The following LYZL2 variants were observed in gnomAD, a reference collection of about 807,000 sequenced individuals.
LYZL2 encodes the protein lysozyme-like protein 2.
Under a neutral mutation model 17.1 loss-of-function variants are expected in LYZL2, and 13 were observed. The ratio of observed to expected loss-of-function variants is 0.76; its 90% CI spans 0.49 to 1.21. LYZL2 has a LOEUF of 1.21. Ranked by LOEUF, LYZL2 falls within the 50% of genes most tolerant of loss-of-function variation. LYZL2 has a pLI of 0.00. For synonymous variants in LYZL2, 63 were observed against 74.4 expected, an observed-to-expected ratio of 0.85 and a Z score of 0.79; for missense variants, 166 against 189.2, an observed-to-expected ratio of 0.88 and a Z score of 0.72.
At chr10:30,611,078 G>A (rs574268347), downstream of LYZL2, among the ~76,000 whole-genome samples, 1 of 152,216 alleles carries the variant, frequency 6.6e-6, no homozygotes, top group East Asian at 1.9e-4. Flanking sequence ...CTGAAGATGA[G>A]GGAGTCTTAT....
chr10:30,626,868 G>C lies in LYZL2; in HGVS notation c.48C>G (p.Gly16=), dbSNP rs767510421. ...AACGAGTGTAGATTTTGGACTCGGC[G>C]CCTGTGACCAGGCAGCCAATGAGGG... is the stretch of plus-strand genomic sequence containing the variant. ...ILTLIGCLVT[G]AESKIYTRCK... The change falls in exon 2 of 5, where the codon GGC becomes GGG. Residue 16 remains glycine, a synonymous_variant. Transcript: ENST00000647634. 5.0e-6 allele frequency: 8 copies of C among 1,613,074 alleles called. No individual in the cohort carries two copies. In the South Asian group the frequency reaches 7.7e-5, roughly 16 times the overall value.
chr10:30,616,564 T>C (rs991860949), intron 3 of LYZL2, among the ~76,000 whole-genome samples: 2 of 152,234 alleles, frequency 1.3e-5, no homozygotes, highest in African/African-American at 4.8e-5. Flanking sequence ...CCTATCTTCT[T>C]GAGATATAAA....
In LYZL2 at chr10:30,627,910, G is replaced by A. The variant is rs192594197; in HGVS notation, c.-25-970C>T. Among the ~76,000 whole-genome samples, 99 of 152,230 alleles carry A rather than the reference G, an allele frequency of 6.5e-4. 3 individuals carry two copies. The highest frequency in any genetic ancestry group is 6.0e-3 in the East Asian group (31 of 5,182). On this transcript the variant is annotated intron_variant, in intron 1 of 4. Transcript: ENST00000647634. ...CGCGGTGGCTCACGCCTGTAATCCCGGCACTTTGGGAGGCCGAGACGGGCG... is the reference window on the plus strand; with the variant it reads ...CGCGGTGGCTCACGCCTGTAATCCCAGCACTTTGGGAGGCCGAGACGGGCG...
At chr10:30,616,399 T>A (rs1838527861) in intron 3 of LYZL2, among the ~76,000 whole-genome samples, 1 of 152,246 alleles carries the variant, frequency 6.6e-6, no homozygotes, top group Non-Finnish European at 1.5e-5. Context: ...AAAATTCTCT[T>A]GCCAGCCTGG....
chr10:30,618,665 A>T (rs530266902), intron 3 of LYZL2, among the ~76,000 whole-genome samples: 1 of 152,360 alleles, frequency 6.6e-6, no homozygotes, highest in East Asian at 1.9e-4. Flanking sequence ...CACCTTATAC[A>T]AAAATTAATT....
intron 1 of LYZL2, among the ~76,000 whole-genome samples, chr10:30,629,229 A>G (rs1182385406): frequency 2.6e-5 from 4 of 152,092 alleles, no homozygotes; most frequent in Admixed American, 2.0e-4. Flanking sequence ...CTCTGTCACT[A>G]CAAAATACAC....
At chr10:30,619,037 A>G (rs1337367121) in intron 3 of LYZL2, among the ~76,000 whole-genome samples, 1 of 152,262 alleles carries the variant, frequency 6.6e-6, no homozygotes. Context: ...GACACTTCTC[A>G]AAAGAAGATA....
chr10:30,609,998 T>C (rs1034148435), downstream of LYZL2, among the ~76,000 whole-genome samples: 1 of 152,218 alleles, frequency 6.6e-6, no homozygotes, highest in African/African-American at 2.4e-5. Flanking sequence ...GAAGCACTTA[T>C]TTTTGGAGTC....
downstream of LYZL2, among the ~76,000 whole-genome samples, chr10:30,610,590 T>C (rs911680030): frequency 6.6e-6 from 1 of 152,156 alleles, no homozygotes; most frequent in Non-Finnish European, 1.5e-5. Flanking sequence ...AAATACCTAA[T>C]GCACACAGGG....
chr10:30,615,999 A>G (rs1235730124), intron 3 of LYZL2, among the ~76,000 whole-genome samples: 1 of 152,252 alleles, frequency 6.6e-6, no homozygotes, highest in Non-Finnish European at 1.5e-5. Context: ...ATTTTTTACA[A>G]TTGAAATGTA....
intron 3 of LYZL2, among the ~76,000 whole-genome samples, chr10:30,618,040 CAGAG>C (rs935171466): frequency 5.9e-5 from 9 of 151,676 alleles, no homozygotes; most frequent in African/African-American, 2.2e-4. Flanking sequence ...AACAGACAAA[CAGAG>C]AGCCAAATCA....
At position 30,628,382 on chromosome 10, in the gene LYZL2, G is replaced by A. The variant is rs560038607; in HGVS notation, c.-26+1211C>T. Among the ~76,000 whole-genome samples, 346 of 152,314 alleles carry A rather than the reference G, an allele frequency of 2.3e-3. 2 individuals are homozygous for A. In the East Asian group the frequency reaches 0.029, roughly 13 times the overall value. ...CACCTGACTGGGGAGCAAGAGGGATGGAGGACAAAGCCTCATGAAAGGAGG... is the reference window on the plus strand; with the variant it reads ...CACCTGACTGGGGAGCAAGAGGGATAGAGGACAAAGCCTCATGAAAGGAGG... On this transcript the variant is annotated intron_variant, in intron 1 of 4. Transcript: ENST00000647634.
downstream of LYZL2, among the ~76,000 whole-genome samples, chr10:30,610,109 A>G (rs1203286314): frequency 2.6e-5 from 3 of 113,366 alleles, no homozygotes; most frequent in African/African-American, 7.4e-5. Flanking sequence ...AACACTAACA[A>G]TAGCTGATGA....
rs569395234 is a variant in LYZL2 at position 30,628,391 on chromosome 10, A to T, written c.-26+1202T>A. ...GGGGAGCAAGAGGGATGGAGGACAA[A>T]GCCTCATGAAAGGAGGAAAGCACCT... On this transcript the variant is annotated intron_variant, in intron 1 of 4. Coordinates refer to ENST00000647634, the MANE Select transcript of LYZL2 (RefSeq NM_183058.3). Among the ~76,000 whole-genome samples the T allele has an allele frequency of 2.2e-3, 333 of 152,298 alleles. 2 individuals carry two copies. The East Asian group carries it at 0.028, about 13-fold the overall frequency.
chr10:30,613,341 A>T (rs1053747715), intron 3 of LYZL2, among the ~76,000 whole-genome samples: 3 of 151,830 alleles, frequency 2.0e-5, no homozygotes, highest in Non-Finnish European at 4.4e-5. Context: ...TACAAAATGT[A>T]AAAAAAATAG....
At chr10:30,612,623 C>T (rs142043571) in intron 4 of LYZL2, among the ~76,000 whole-genome samples, 199 bp downstream of exon 4, 2 of 152,180 alleles carry the variant, frequency 1.3e-5, no homozygotes, top group Non-Finnish European at 2.9e-5. Flanking sequence ...AACTCACTCC[C>T]ATGTCTCTGC....
At chr10:30,628,125 A>T (rs375323915) in intron 1 of LYZL2, among the ~76,000 whole-genome samples, 3 of 151,614 alleles carry the variant, frequency 2.0e-5, no homozygotes, top group Non-Finnish European at 2.9e-5. Flanking sequence ...GCGCCACTGC[A>T]CTCCAGCCTG....
intron 3 of LYZL2, among the ~76,000 whole-genome samples, chr10:30,620,339 G>A (rs557604401): frequency 4.1e-4 from 62 of 152,266 alleles, no homozygotes; most frequent in African/African-American, 1.4e-3. Flanking sequence ...GAGTAACCAT[G>A]GAAGTCTCCA....
chr10:30,607,134 A>T (rs75522452), downstream of LYZL2, among the ~76,000 whole-genome samples: 5 of 17,538 alleles, frequency 2.9e-4, no homozygotes, highest in African/African-American at 4.4e-4. Context: ...CTGGTCTCAA[A>T]CTCCTGATCT....
Sources: allele counts gnomAD v4.1 joint callset (sites outside exome capture counted in the v4.1 genomes callset), GRCh38; gene constraint gnomAD v4.1.1; transcripts MANE v1.5; gene names NCBI Gene and HGNC (gene_info 2026-07-23, HGNC 2026-07-21).